Variants in ERICH6B observed in about 807,000 individuals in gnomAD.
The protein encoded by ERICH6B is glutamate rich 6B.
ERICH6B carries 69 observed loss-of-function variants against 80.0 expected under a neutral mutation model. The ratio of observed to expected loss-of-function variants is 0.86; its 90% confidence interval spans 0.71 to 1.05. The LOEUF is 1.05. ERICH6B is among the 50% of genes least tolerant of loss of function. The pLI is 0.00. For missense variants in ERICH6B, 754 were observed against 796.1 expected (o/e 0.95, Z 0.64); for synonymous variants, 283 against 291.9 (o/e 0.97, Z 0.31).
intron 7 of ERICH6B, among the ~76,000 whole-genome samples, chr13:45,579,595 C>T (rs956301457): frequency 4.6e-5 from 7 of 152,184 alleles, no homozygotes; most frequent in African/African-American, 1.4e-4. Context: ...CTGAGTCTAT[C>T]TGGGGAGGTG....
Position 45,587,222 on chromosome 13 carries a change from C to G in ERICH6B, c.697G>C (p.Ala233Pro). Reference protein sequence around the residue: ...MLLRDARSPDAGPSQVTTFLT... With the variant: ...MLLRDARSPDPGPSQVTTFLT... ...AAGGTGGTCACCTGAGAGGGGCCAG[C>G]GTCTGGACTCCTGTCAGAGGGGAGA... is the stretch of plus-strand genomic sequence containing the variant. The change falls in exon 5 of 15, where the codon GCT becomes CCT. Residue 233 changes from alanine (A) to proline (P), a missense_variant. Transcript: ENST00000298738. 6.4e-7 allele frequency: 1 copy of G among 1,551,528 alleles called. No homozygotes were observed. Among genetic ancestry groups the G allele is most frequent in the Non-Finnish European group, 8.7e-7 (1 of 1,146,920 alleles).
Position 45,561,463 on chromosome 13 carries a change from T to C in ERICH6B, c.1313A>G (p.Lys438Arg). 1 of 1,552,182 alleles carries C rather than the reference T, an allele frequency of 6.4e-7. No homozygotes were observed. Among genetic ancestry groups the C allele is most frequent in the Non-Finnish European group, 8.7e-7 (1 of 1,147,098 alleles). Residue 438 changes from lysine (K) to arginine (R), a missense_variant, in exon 11 of 15, where the codon AAG (lysine) becomes AGG (arginine). By Grantham distance (26) the Lys-to-Arg change is conservative. Transcript: ENST00000298738. ...CTTTTGGATTTCTTCTGTCTCAGGC[T>C]TCTCAGGTGTTGGTTTGCTCATTAA... is the stretch of plus-strand genomic sequence containing the variant. ...FHLMSKPTPE[K>R]PETEEIQKPQ...
intron 3 of ERICH6B, 117 bp downstream of exon 3, chr13:45,596,251 CT>C (rs1876362967): frequency 3.1e-6 from 4 of 1,285,040 alleles, no homozygotes; most frequent in Admixed American, 5.7e-5. Flanking sequence ...AGTTACCATC[CT>C]TTGGGATGCC....
At chr13:45,566,534 G>GA (rs1184514397) in intron 9 of ERICH6B, among the ~76,000 whole-genome samples, 2 of 152,240 alleles carry the variant, frequency 1.3e-5, no homozygotes, top group African/African-American at 4.8e-5. Flanking sequence ...AGCCATAGCT[G>GA]AAAGGGGCCA....
chr13:45,553,297 C>T (rs1053507830), intron 11 of ERICH6B, among the ~76,000 whole-genome samples: 9 of 152,020 alleles, frequency 5.9e-5, no homozygotes, highest in Non-Finnish European at 1.2e-4. Context: ...AGCTGGGGAC[C>T]GCATTGCCAG....
intron 9 of ERICH6B, among the ~76,000 whole-genome samples, chr13:45,567,501 A>G (rs1454351291): frequency 1.3e-5 from 2 of 152,150 alleles, no homozygotes; most frequent in African/African-American, 4.8e-5. Flanking sequence ...ATAGTGAGTA[A>G]GTCTCATGAG....
chr13:45,548,568 G>A (rs983353653), intron 13 of ERICH6B, among the ~76,000 whole-genome samples: 1 of 152,168 alleles, frequency 6.6e-6, no homozygotes, highest in African/African-American at 2.4e-5. Context: ...ACTTTTGCAG[G>A]GGTGAGGGGT....
At chr13:45,556,494 C>T (rs1874443323) in intron 11 of ERICH6B, among the ~76,000 whole-genome samples, 1 of 152,088 alleles carries the variant, frequency 6.6e-6, no homozygotes, top group South Asian at 2.1e-4. Context: ...TGGGTGTACC[C>T]ATCACCGAAG....
At chr13:45,562,714 A>G (rs140138417) in intron 10 of ERICH6B, among the ~76,000 whole-genome samples, 67 of 152,214 alleles carry the variant, frequency 4.4e-4, no homozygotes, top group African/African-American at 1.4e-3. Context: ...TCCACCTCCA[A>G]TGGAAGGTAA....
At chr13:45,568,202 G>C (rs1875001831) in intron 9 of ERICH6B, 113 bp downstream of exon 9, 1 of 1,213,748 alleles carries the variant, frequency 8.2e-7, no homozygotes, top group Non-Finnish European at 1.1e-6. Context: ...CAGGGAACCT[G>C]TCTGGTCCTG....
At chr13:45,563,667 G>A (rs1158788362) in intron 10 of ERICH6B, 60 bp downstream of exon 10, 4 of 1,412,846 alleles carry the variant, frequency 2.8e-6, no homozygotes, top group African/African-American at 2.9e-5. Flanking sequence ...GAAGGGGAGA[G>A]GCGGTGGGAT....
intron 11 of ERICH6B, among the ~76,000 whole-genome samples, chr13:45,554,682 G>C (rs1056738580): frequency 5.3e-5 from 8 of 152,214 alleles, no homozygotes; most frequent in African/African-American, 1.9e-4. Flanking sequence ...CCTGAAGCTC[G>C]TCAGCATTTG....
At position 45,549,969 on chromosome 13, in the gene ERICH6B, TG is replaced by T; in HGVS notation, c.1569del (p.Asp523GlufsTer3). On this transcript the variant is annotated frameshift_variant, in exon 13 of 15. Coordinates refer to ENST00000298738, the MANE Select transcript of ERICH6B (RefSeq NM_182542.3). LOFTEE classifies it high-confidence loss of function. ...AGGGCCCGGATCCTCCCTTCTAGAC[TG>T]TCTTCCAGAATGATGTATGTGAACT... ...MKKFTYIILE[D>X]SLEGRIRALI... 8.4e-6 allele frequency: 13 copies of T among 1,551,804 alleles called. No individual in the cohort carries two copies. Among genetic ancestry groups the T allele is most frequent in the Non-Finnish European group, 1.1e-5 (13 of 1,146,992 alleles).
intron 3 of ERICH6B, among the ~76,000 whole-genome samples, chr13:45,592,757 G>A (rs1420986184): frequency 6.6e-6 from 1 of 152,176 alleles, no homozygotes; most frequent in African/African-American, 2.4e-5. Context: ...ATGTTCTGTG[G>A]CAGCAGGAGA....
At chr13:45,576,190 C>T (rs1875394340) in intron 7 of ERICH6B, among the ~76,000 whole-genome samples, 2 of 152,220 alleles carry the variant, frequency 1.3e-5, no homozygotes, top group Admixed American at 6.5e-5. Context: ...TGGGCTGGGG[C>T]TGCGTTTACC....
intron 3 of ERICH6B, among the ~76,000 whole-genome samples, chr13:45,592,161 T>G (rs1267349853): frequency 2.0e-5 from 3 of 152,168 alleles, no homozygotes; most frequent in Non-Finnish European, 4.4e-5. Flanking sequence ...GTTGGGACAA[T>G]TAAAGGAGAT....
intron 5 of ERICH6B, among the ~76,000 whole-genome samples, chr13:45,581,990 T>A (rs1875691988): frequency 6.6e-6 from 1 of 152,246 alleles, no homozygotes; most frequent in South Asian, 2.1e-4. Context: ...TGCATTAGTG[T>A]CCTATTCTAG....
At chr13:45,550,552 T>C (rs1874180511) in intron 11 of ERICH6B, among the ~76,000 whole-genome samples, 1 of 152,216 alleles carries the variant, frequency 6.6e-6, no homozygotes, top group Non-Finnish European at 1.5e-5. Context: ...CAATGATTAT[T>C]GATTGCATTA....
rs34244794 is a variant in ERICH6B, at chr13:45,577,276, C to CTTTTTTTTTTTT, written c.962-2358_962-2347dup. Among the ~76,000 whole-genome samples, 186 of 86,072 alleles carry CTTTTTTTTTTTT rather than the reference C, an allele frequency of 2.2e-3. 13 individuals carry two copies. The highest frequency in any genetic ancestry group is 6.2e-3 in the African/African-American group (175 of 28,174). 56.5% of individuals were successfully genotyped at this position (86,072 alleles called of 152,430 possible). ...TCTCCTGGACTGATTAAAAACAAAT[C>CTTTTTTTTTTTT]TTTTTTTTTTTTTTTTTTTTTTTTT... On this transcript the variant is annotated intron_variant, in intron 7 of 14. Transcript: ENST00000298738.
Sources: allele counts gnomAD v4.1 joint callset (sites outside exome capture counted in the v4.1 genomes callset), GRCh38; gene constraint gnomAD v4.1.1; transcripts MANE v1.5; gene names NCBI Gene and HGNC (gene_info 2026-07-23, HGNC 2026-07-21).